CLSTN2: variants seen among roughly 807,000 people sequenced by gnomAD.
CLSTN2 encodes calsyntenin 2.
In CLSTN2, 48 loss-of-function variants were observed where a neutral mutation model predicts 101.2. That is an observed-to-expected ratio of 0.47 (90% CI 0.38 to 0.60). The LOEUF (loss-of-function observed/expected upper bound fraction) is 0.60, where lower values mean the gene tolerates loss of function less well. Ranked by LOEUF, CLSTN2 falls within the 20% of genes least tolerant of loss-of-function variation. The pLI, the probability that CLSTN2 is intolerant of heterozygous loss-of-function variation, is 0.00. For missense variants in CLSTN2, 1,160 were observed against 1,238.2 expected (o/e 0.94, Z 0.95); for synonymous variants, 481 against 463.6 (o/e 1.04, Z -0.48).
At chr3:140,188,671 T>C (rs180935357) in intron 2 of CLSTN2, among the ~76,000 whole-genome samples, 13 of 152,066 alleles carry the variant, frequency 8.5e-5, no homozygotes, top group Admixed American at 4.6e-4. Flanking sequence ...TACCCAGCAT[T>C]GGGTGATTAT....
At chr3:140,411,144 G>A (rs2088358481) in intron 4 of CLSTN2, among the ~76,000 whole-genome samples, 1 of 152,148 alleles carries the variant, frequency 6.6e-6, no homozygotes, top group South Asian at 2.1e-4. Context: ...GCATAGAGTG[G>A]ATCAAACAAG....
chr3:140,068,402 C>A (rs1480031628), intron 1 of CLSTN2, among the ~76,000 whole-genome samples: 1 of 152,234 alleles, frequency 6.6e-6, no homozygotes, highest in Non-Finnish European at 1.5e-5. Flanking sequence ...AGGTTCCTGG[C>A]ACTTGGTAGA....
chr3:140,201,619 A>G (rs2010718380), intron 2 of CLSTN2, among the ~76,000 whole-genome samples: 1 of 152,136 alleles, frequency 6.6e-6, no homozygotes, highest in African/African-American at 2.4e-5. Context: ...CAAAATACTA[A>G]TTATTTATTT....
At chr3:140,083,720 TC>T (rs1211803632) in intron 1 of CLSTN2, among the ~76,000 whole-genome samples, 1 of 152,204 alleles carries the variant, frequency 6.6e-6, no homozygotes, top group Non-Finnish European at 1.5e-5. Flanking sequence ...CTGGCTTTTA[TC>T]CCACCTGTGC....
At chr3:139,992,808 A>G (rs1936137655) in intron 1 of CLSTN2, among the ~76,000 whole-genome samples, 1 of 152,134 alleles carries the variant, frequency 6.6e-6, no homozygotes, top group African/African-American at 2.4e-5. Context: ...TGAGGAGTAG[A>G]AGGGCTAGAC....
intron 8 of CLSTN2, chr3:140,508,817 C>T (rs1343377747): frequency 6.6e-6 from 1 of 152,110 alleles, no homozygotes; most frequent in Non-Finnish European, 1.5e-5. Context: ...GGAAAATATC[C>T]CTAGATGAAT....
At chr3:140,033,505 G>A (rs954425142) in intron 1 of CLSTN2, among the ~76,000 whole-genome samples, 8 of 152,144 alleles carry the variant, frequency 5.3e-5, no homozygotes, top group African/African-American at 1.4e-4. Context: ...CATATTAAGT[G>A]TGTGTGCAAA....
intron 2 of CLSTN2, among the ~76,000 whole-genome samples, chr3:140,254,863 A>C (rs2086592309): frequency 6.6e-6 from 1 of 152,188 alleles, no homozygotes; most frequent in African/African-American, 2.4e-5. Flanking sequence ...CAGCACAAGT[A>C]AACAGACAAC....
At chr3:140,390,198 G>A (rs2088097791) in intron 2 of CLSTN2, among the ~76,000 whole-genome samples, 2 of 151,078 alleles carry the variant, frequency 1.3e-5, no homozygotes, top group African/African-American at 4.9e-5. Flanking sequence ...TCTCTTTCTA[G>A]CTTCTTGATT....
At chr3:140,441,177 C>A (rs1042761771) in intron 5 of CLSTN2, among the ~76,000 whole-genome samples, 1 of 152,216 alleles carries the variant, frequency 6.6e-6, no homozygotes, top group Non-Finnish European at 1.5e-5. Context: ...GTTGTCCAAC[C>A]TGGCACAAGT....
intron 2 of CLSTN2, among the ~76,000 whole-genome samples, chr3:140,193,790 T>C (rs925555959): frequency 2.6e-5 from 4 of 152,098 alleles, no homozygotes; most frequent in African/African-American, 4.8e-5. Context: ...TATTTTGTTA[T>C]AGTTCCATAG....
At chr3:140,565,932 C>T (rs1282882007) in intron 16 of CLSTN2, 121 bp from the exon 17 acceptor site, 1 of 1,220,846 alleles carries the variant, frequency 8.2e-7, no homozygotes, top group Non-Finnish European at 1.2e-6. Context: ...AAGAGTTTTG[C>T]ACTAAAAGAA....
chr3:140,055,580 C>T (rs2107770320), intron 1 of CLSTN2, among the ~76,000 whole-genome samples: 1 of 152,300 alleles, frequency 6.6e-6, no homozygotes, highest in East Asian at 1.9e-4. Flanking sequence ...AATAACAATG[C>T]TTGCCTTACA....
chr3:140,291,646 C>G (rs550943505), intron 2 of CLSTN2, among the ~76,000 whole-genome samples: 1 of 151,772 alleles, frequency 6.6e-6, no homozygotes, highest in African/African-American at 2.4e-5. Flanking sequence ...CATCTCCAGA[C>G]GAGATCTCTC....
At chr3:140,211,398 TCACACACA>T (rs59994883) in intron 2 of CLSTN2, among the ~76,000 whole-genome samples, 1 of 113,406 alleles carries the variant, frequency 8.8e-6, no homozygotes, top group African/African-American at 3.2e-5. Context: ...GCTTGGTAAT[TCACACACA>T]CACACACACA....
chr3:140,340,680 T>C (rs929362046), intron 2 of CLSTN2, among the ~76,000 whole-genome samples: 1 of 152,208 alleles, frequency 6.6e-6, no homozygotes, highest in Non-Finnish European at 1.5e-5. Context: ...TGAGCTGATA[T>C]TTATACGTTA....
chr3:140,340,659 G>A (rs770926749), intron 2 of CLSTN2, among the ~76,000 whole-genome samples: 2 of 152,118 alleles, frequency 1.3e-5, no homozygotes, highest in African/African-American at 4.8e-5. Flanking sequence ...TGGTACATTC[G>A]ATATAATTAA....
intron 7 of CLSTN2, among the ~76,000 whole-genome samples, chr3:140,465,888 T>TAAG (rs1313952447): frequency 6.6e-6 from 1 of 152,168 alleles, no homozygotes; most frequent in Non-Finnish European, 1.5e-5. Flanking sequence ...TGTTCGATAA[T>TAAG]GTAATAAGGT....
intron 2 of CLSTN2, among the ~76,000 whole-genome samples, chr3:140,321,262 C>T (rs533755433): frequency 2.0e-5 from 3 of 152,246 alleles, no homozygotes; most frequent in African/African-American, 4.8e-5. Flanking sequence ...TATCCATAGG[C>T]GCAGAGTAAA....
Sources: gnomAD v4.1 joint callset for allele counts (sites outside exome capture counted in the v4.1 genomes callset) on GRCh38, gnomAD v4.1.1 for gene constraint, MANE v1.5 for transcripts, NCBI Gene and HGNC (gene_info 2026-07-23, HGNC 2026-07-21) for gene names.